Variants in CLUAP1 observed in about 807,000 individuals in gnomAD.
The protein encoded by CLUAP1 is intraflagellar transport 38.
A neutral mutation model predicts 55.0 loss-of-function variants in CLUAP1; 50 were observed. That is an observed-to-expected ratio of 0.91 (90% confidence interval 0.72 to 1.15). CLUAP1 has a LOEUF of 1.15. Among genes scored for constraint, CLUAP1 ranks in the 50% most tolerant of loss-of-function variants. The pLI is 0.00. For missense variants in CLUAP1, 530 were observed against 507.6 expected, an observed-to-expected ratio of 1.04 and a Z score of -0.42; for synonymous variants, 195 against 175.4, an observed-to-expected ratio of 1.11 and a Z score of -0.88.
the CLUAP1 span, among the ~76,000 whole-genome samples, chr16:3,495,834 G>T: frequency 2.0e-5 from 3 of 152,248 alleles, no homozygotes; most frequent in African/African-American, 7.2e-5. Flanking sequence ...GGCTGGGGGC[G>T]GTGGCTCATG....
intron 10 of CLUAP1, among the ~76,000 whole-genome samples, chr16:3,532,471 G>A (rs1367168950): frequency 8.1e-6 from 1 of 123,766 alleles, no homozygotes; most frequent in Non-Finnish European, 1.6e-5. Context: ...CTAGAGTGCA[G>A]TGGCACGATC....
rs2038238821 is a variant in CLUAP1, at chr16:3,536,712, T to TGA, written c.*444_*445dup. ...TCTGGCTGTTAATCACTTGCACAGT[T>TGA]GAGAACATTTCCTATACATCGGCTT... On this transcript the variant is annotated 3_prime_UTR_variant, in exon 12 of 12. Coordinates refer to ENST00000576634, the MANE Select transcript of CLUAP1 (RefSeq NM_015041.3). The TGA allele has an allele frequency of 6.3e-6, 1 of 157,876 alleles. No homozygotes were observed. Among genetic ancestry groups the TGA allele is most frequent in the Non-Finnish European group, 1.4e-5 (1 of 71,486 alleles). 9.8% of individuals were successfully genotyped at this position (157,876 alleles called of 1,614,324 possible).
intron 7 of CLUAP1, among the ~76,000 whole-genome samples, chr16:3,522,034 G>A (rs2037848205): frequency 6.6e-6 from 1 of 152,074 alleles, no homozygotes; most frequent in Non-Finnish European, 1.5e-5. Flanking sequence ...ACTGTAGCCT[G>A]GGTGACAAAG....
Position 3,537,778 on chromosome 16 carries a change from C to T in CLUAP1, c.*1507C>T, listed in dbSNP as rs2038261806. ...CTTTGAGAGGCTGAGGTGGGTAGAT[C>T]ACCTGAGGTCAGGGGTTTGAGACCA... On this transcript the variant is annotated 3_prime_UTR_variant, in exon 12 of 12. Coordinates refer to ENST00000576634, the MANE Select transcript of CLUAP1 (RefSeq NM_015041.3). 6.6e-6 allele frequency: 1 copy of T among 151,774 alleles called. No individual in the cohort carries two copies. Among genetic ancestry groups the T allele is most frequent in the Non-Finnish European group, 1.5e-5 (1 of 68,056 alleles). 9.4% of individuals were successfully genotyped at this position (151,774 alleles called of 1,614,324 possible).
intron 1 of CLUAP1, among the ~76,000 whole-genome samples, chr16:3,504,224 G>A: frequency 6.6e-6 from 1 of 151,802 alleles, no homozygotes; most frequent in South Asian, 2.1e-4. Context: ...TGTTATTTGG[G>A]TCCTATGTGG....
At chr16:3,509,828 T>C (rs2037585172) in intron 4 of CLUAP1, 1 of 116,194 alleles carries the variant, frequency 8.6e-6, no homozygotes, top group South Asian at 2.6e-4. Context: ...CTTTTTTGTT[T>C]TGTTTTTGTT....
chr16:3,523,981 A>G (rs1392706420), intron 8 of CLUAP1, among the ~76,000 whole-genome samples: 1 of 152,010 alleles, frequency 6.6e-6, no homozygotes, highest in African/African-American at 2.4e-5. Flanking sequence ...ATAAGAAAAT[A>G]AAGCTTGCTT....
In CLUAP1 at chr16:3,532,859, C is replaced by G. The variant is rs762077865; in HGVS notation, c.1092+18C>G. On this transcript the variant is annotated intron_variant, in intron 11 of 11. Coordinates refer to ENST00000576634, the MANE Select transcript of CLUAP1 (RefSeq NM_015041.3). ...ATGACAATGTAAGTCCCCCGCTCCC[C>G]TCAGTGGTTCTGTGCACTCTGGGTT... 1 of 1,613,776 alleles carries G rather than the reference C, an allele frequency of 6.2e-7. No homozygotes were observed. The highest frequency in any genetic ancestry group is 2.2e-5 in the East Asian group (1 of 44,882).
At chr16:3,521,954 G>A (rs182477479) in intron 7 of CLUAP1, among the ~76,000 whole-genome samples, 2 of 151,930 alleles carry the variant, frequency 1.3e-5, no homozygotes, top group Non-Finnish European at 2.9e-5. Context: ...AGCTACTTGG[G>A]GGCCTGAGAC....
chr16:3,524,363 AGGCCACAGCTGGTG>A (rs927630808), intron 8 of CLUAP1, among the ~76,000 whole-genome samples: 1 of 151,704 alleles, frequency 6.6e-6, no homozygotes, highest in African/African-American at 2.4e-5. Context: ...GCACTTTGGG[AGGCCACAGCTGGTG>A]GACCACGAGG....
intron 1 of CLUAP1, among the ~76,000 whole-genome samples, chr16:3,503,972 G>C (rs1229782136): frequency 6.6e-6 from 1 of 152,100 alleles, no homozygotes; most frequent in Non-Finnish European, 1.5e-5. Flanking sequence ...TAACCAGGAA[G>C]CACACTGAAT....
chr16:3,533,185 G>A, intron 11 of CLUAP1: 1 of 1,528,502 alleles, frequency 6.5e-7, no homozygotes, highest in Non-Finnish European at 8.8e-7. Flanking sequence ...TCATGTGTTT[G>A]TGGGTGTCTG....
Position 3,506,351 on chromosome 16 carries a change from TC to T in CLUAP1, c.158del (p.Pro53ArgfsTer27), listed in dbSNP as rs1189888230. ...GATAGATATGAGCCCCAGACTGACATCCCGCCTGACGTGGATACTGAACAGG... is the reference window on the plus strand; with the variant it reads ...GATAGATATGAGCCCCAGACTGACATCCGCCTGACGTGGATACTGAACAGG... ...LVKRYEPQTD[I>X]PPDVDTEQDR... On this transcript the variant is annotated frameshift_variant, in exon 3 of 12. Transcript: ENST00000576634. LOFTEE classifies it high-confidence loss of function. The T allele has an allele frequency of 6.2e-7, 1 of 1,613,832 alleles. No homozygotes were observed. Among genetic ancestry groups the T allele is most frequent in the African/African-American group, 1.3e-5 (1 of 74,880 alleles).
At chr16:3,523,783 G>A (rs553308827) in intron 8 of CLUAP1, among the ~76,000 whole-genome samples, 1 of 152,056 alleles carries the variant, frequency 6.6e-6, no homozygotes, top group Non-Finnish European at 1.5e-5. Context: ...TGGCCAACAT[G>A]GTGAAACCCC....
chr16:3,515,733 C>T (rs993614978), intron 6 of CLUAP1, 142 bp downstream of exon 6: 25 of 500,066 alleles, frequency 5.0e-5, no homozygotes, highest in Admixed American at 2.1e-4. Context: ...AGAGGACATT[C>T]GAGCTTACCT....
intron 6 of CLUAP1, among the ~76,000 whole-genome samples, chr16:3,516,376 A>T (rs2037729592): frequency 6.6e-6 from 1 of 152,324 alleles, no homozygotes; most frequent in Non-Finnish European, 1.5e-5. Context: ...TTCTTTTGTC[A>T]TTAAACAGTA....
Position 3,506,441 on chromosome 16 carries a change from T to A in CLUAP1, c.219+26T>A. 3 of 1,559,558 alleles carry A rather than the reference T, an allele frequency of 1.9e-6. No homozygotes were observed. The East Asian group carries it at 6.7e-5, about 35-fold the overall frequency. Reference sequence around the variant, plus strand: ...GTTAGTGGACACTTATTTTGTGGAGTTGTAAAATTAAATAAACTAGAAAGG... The same window carrying A: ...GTTAGTGGACACTTATTTTGTGGAGATGTAAAATTAAATAAACTAGAAAGG... On this transcript the variant is annotated intron_variant, in intron 3 of 11. Transcript: ENST00000576634.
intron 10 of CLUAP1, among the ~76,000 whole-genome samples, chr16:3,530,899 T>C (rs1002744515): frequency 2.0e-5 from 3 of 152,210 alleles, no homozygotes; most frequent in Admixed American, 6.5e-5. Context: ...GGATGGTTCA[T>C]ATTTATGGCT....
chr16:3,503,880 C>A (rs755922849), intron 1 of CLUAP1, among the ~76,000 whole-genome samples: 16 of 152,216 alleles, frequency 1.1e-4, no homozygotes, highest in Middle Eastern at 3.2e-3. Context: ...ACCTGACTTG[C>A]AGTACCTAGG....
Sources: gnomAD v4.1 joint callset for allele counts (sites outside exome capture counted in the v4.1 genomes callset) on GRCh38, gnomAD v4.1.1 for gene constraint, MANE v1.5 for transcripts, NCBI Gene and HGNC (gene_info 2026-07-23, HGNC 2026-07-21) for gene names.